BRINP1: variants seen among roughly 807,000 people sequenced by gnomAD.
BRINP1 encodes the protein BMP/retinoic acid inducible neural specific 1.
Under a neutral mutation model 72.9 loss-of-function variants are expected in BRINP1, and 17 were observed. That is an observed-to-expected ratio of 0.23 (90% CI 0.16 to 0.35). The LOEUF (loss-of-function observed/expected upper bound fraction) is 0.35, where lower values mean the gene tolerates loss of function less well. BRINP1 is among the 10% of genes least tolerant of loss of function. BRINP1 has a pLI of 1.00. For missense variants in BRINP1, 850 were observed against 1,001.6 expected, an observed-to-expected ratio of 0.85 and a Z score of 2.04; for synonymous variants, 418 against 378.5, an observed-to-expected ratio of 1.10 and a Z score of -1.21.
chr9:119,242,404 A>G lies in BRINP1; in HGVS notation c.410-188T>C, dbSNP rs984755627. Among the ~76,000 whole-genome samples, 4 of 152,326 alleles carry G rather than the reference A, an allele frequency of 2.6e-5. 1 individual carries two copies. In the East Asian group the frequency reaches 5.8e-4, roughly 22 times the overall value. On this transcript the variant is annotated intron_variant, in intron 3 of 7. Transcript: ENST00000265922. Reference sequence around the variant, plus strand: ...GAGGTGGCTGTAAACACCAGGCTTCATTAGGACAAGGATCATTAAAAAACC... The same window carrying G: ...GAGGTGGCTGTAAACACCAGGCTTCGTTAGGACAAGGATCATTAAAAAACC...
chr9:119,291,897 C>T (rs1032292944), intron 2 of BRINP1, among the ~76,000 whole-genome samples: 2 of 152,094 alleles, frequency 1.3e-5, no homozygotes, highest in African/African-American at 2.4e-5. Context: ...TAGCAATAGA[C>T]AAAAGAATCT....
Position 119,167,338 on chromosome 9 carries a change from G to T in BRINP1, c.2032C>A (p.Gln678Lys). ...AACTGGCCGCCCTGTGTGTAGGACT[G>T]GTTGACCTGCTGCACTGCACTGCGC... ...LLRSAVQQVNQSYTQGGQFYS... is the reference protein window; with the variant it reads ...LLRSAVQQVNKSYTQGGQFYS... The change falls in exon 8 of 8, where the codon CAG (glutamine) becomes AAG (lysine). Residue 678 changes from glutamine (Q) to lysine (K), a missense_variant. Physicochemically the swap from Gln to Lys is moderately conservative, Grantham distance 53. Coordinates refer to ENST00000265922, the MANE Select transcript of BRINP1 (RefSeq NM_014618.3). This position sits in a 1 kb window ranked among gnomAD's most constrained non-coding sequence, Gnocchi z 4.3. 2 of 1,614,116 alleles carry T rather than the reference G, an allele frequency of 1.2e-6. No individual in the cohort carries two copies. The highest frequency in any genetic ancestry group is 2.2e-5 in the East Asian group (1 of 44,852).
At chr9:119,295,448 TA>T (rs1337530800) in intron 2 of BRINP1, among the ~76,000 whole-genome samples, 1 of 152,230 alleles carries the variant, frequency 6.6e-6, no homozygotes, top group African/African-American at 2.4e-5. Flanking sequence ...GCTCTTAGGC[TA>T]CAAATCTGTA....
At chr9:119,233,609 T>A (rs1478115385) in intron 5 of BRINP1, among the ~76,000 whole-genome samples, 2 of 152,164 alleles carry the variant, frequency 1.3e-5, no homozygotes, top group Admixed American at 6.5e-5. Flanking sequence ...GATGTCAACA[T>A]GGGACATGTT....
intron 1 of BRINP1, among the ~76,000 whole-genome samples, chr9:119,367,220 T>TTATATATATATATATATA (rs1564259751): frequency 2.0e-4 from 9 of 44,800 alleles, no homozygotes; most frequent in South Asian, 2.1e-3. Context: ...TGTGTGTGAT[T>TTATATATATATATATATA]GATATATATA....
intron 2 of BRINP1, 35 bp from the exon 3 acceptor site, chr9:119,249,185 A>G (rs748898407): frequency 1.3e-6 from 2 of 1,590,688 alleles, no homozygotes; most frequent in Admixed American, 3.4e-5. Flanking sequence ...TTCTCAACTT[A>G]CCACCATTAC....
intron 2 of BRINP1, among the ~76,000 whole-genome samples, chr9:119,285,201 C>CAAA (rs58381406): frequency 3.3e-5 from 4 of 121,176 alleles, no homozygotes; most frequent in African/African-American, 1.2e-4. Flanking sequence ...TTGCAGGCAT[C>CAAA]AAAAAAAAAA....
rs996188483 is a variant in BRINP1 at position 119,368,558 on chromosome 9, T to C, written c.-51+498A>G. ...GTTTCCCGGTGACTACGTGATCCTA[T>C]AGTAAGGGTCCCATTCCGTGTAAGC... On this transcript the variant is annotated intron_variant, in intron 1 of 7. Transcript: ENST00000265922. This position sits in a 1 kb window ranked among gnomAD's most constrained non-coding sequence, Gnocchi z 4.7. Among the ~76,000 whole-genome samples, 1 of 152,020 alleles carries C rather than the reference T, an allele frequency of 6.6e-6. No homozygotes were observed. The highest frequency in any genetic ancestry group is 1.5e-5 in the Non-Finnish European group (1 of 68,006).
At chr9:119,309,000 A>G (rs1161517446) in intron 2 of BRINP1, among the ~76,000 whole-genome samples, 1 of 152,124 alleles carries the variant, frequency 6.6e-6, no homozygotes, top group African/African-American at 2.4e-5. Context: ...AATAAAACAC[A>G]AAAAGGTATT....
At chr9:119,255,343 G>A (rs1437892527) in intron 2 of BRINP1, among the ~76,000 whole-genome samples, 1 of 152,208 alleles carries the variant, frequency 6.6e-6, no homozygotes, top group Non-Finnish European at 1.5e-5. Flanking sequence ...CAATTAGACT[G>A]AGATTAAAGT....
At position 119,248,944 on chromosome 9, in the gene BRINP1, G is replaced by C; in HGVS notation, c.409+16C>G. ...AAAGTCATGAGAAGGCTCTGGCCCA[G>C]TGGCTGCTGACCTACCTCCCAATGT... On this transcript the variant is annotated intron_variant, in intron 3 of 7. Transcript: ENST00000265922. 1 of 1,605,396 alleles carries C rather than the reference G, an allele frequency of 6.2e-7. No homozygotes were observed. Among genetic ancestry groups the C allele is most frequent in the East Asian group, 2.2e-5 (1 of 44,692 alleles).
intron 7 of BRINP1, among the ~76,000 whole-genome samples, chr9:119,172,549 G>A (rs1359241118): frequency 2.6e-5 from 4 of 151,220 alleles, no homozygotes; most frequent in Admixed American, 6.6e-5. Context: ...TTCTACCAGA[G>A]GTACAAGGAG....
intron 7 of BRINP1, among the ~76,000 whole-genome samples, chr9:119,171,010 C>A (rs1205142648): frequency 1.4e-5 from 2 of 144,992 alleles, no homozygotes; most frequent in African/African-American, 2.8e-5. Context: ...ACAACCGGTA[C>A]CAGCCGCTGC....
chr9:119,300,123 C>T (rs1414947959), intron 2 of BRINP1, among the ~76,000 whole-genome samples: 2 of 152,098 alleles, frequency 1.3e-5, no homozygotes, highest in African/African-American at 4.8e-5. Context: ...TTTATCTGCA[C>T]CCACACCTCT....
intron 1 of BRINP1, among the ~76,000 whole-genome samples, chr9:119,353,089 A>C (rs1831521780): frequency 6.6e-6 from 1 of 152,154 alleles, no homozygotes; most frequent in Admixed American, 6.5e-5. Flanking sequence ...ACTTCATTTT[A>C]TGGCCTAAAG....
In BRINP1 at chr9:119,338,909, AC is replaced by A. The variant is rs746924645; in HGVS notation, c.-50-25505del. The stretch of plus-strand genomic sequence containing the variant: ...CAAAAAAAACAAAAAACAAAAAAAA[AC>A]AACAACAAAAACACAGGGGGGTGGG... On this transcript the variant is annotated intron_variant, in intron 1 of 7. Transcript: ENST00000265922. Among the ~76,000 whole-genome samples the A allele has an allele frequency of 1.1e-4, 16 of 151,220 alleles. No individual in the cohort carries two copies. In the East Asian group the frequency reaches 1.2e-3, roughly 11 times the overall value.
intron 2 of BRINP1, among the ~76,000 whole-genome samples, chr9:119,295,046 T>C (rs1215296678): frequency 6.6e-6 from 1 of 151,862 alleles, no homozygotes; most frequent in African/African-American, 2.4e-5. Context: ...AGACCCCAAA[T>C]AGCCAAAGAA....
At chr9:119,264,031 C>G (rs529980101) in intron 2 of BRINP1, among the ~76,000 whole-genome samples, 1 of 152,286 alleles carries the variant, frequency 6.6e-6, no homozygotes, top group Admixed American at 6.5e-5. Context: ...ACTGCCAATA[C>G]AGAGCCCCTG....
intron 7 of BRINP1, among the ~76,000 whole-genome samples, chr9:119,186,746 C>G (rs901926449): frequency 7.9e-5 from 12 of 152,202 alleles, no homozygotes; most frequent in African/African-American, 2.7e-4. Context: ...AGAGGCCCTA[C>G]CTCCAATGCG....
Sources: gnomAD v4.1 joint callset for allele counts (sites outside exome capture counted in the v4.1 genomes callset) on GRCh38, gnomAD v4.1.1 for gene constraint, Gnocchi (gnomAD v3.1) non-coding constraint, MANE v1.5 for transcripts, NCBI Gene and HGNC (gene_info 2026-07-23, HGNC 2026-07-21) for gene names.